The following AADACL4 variants were observed in gnomAD, a reference collection of about 807,000 sequenced individuals.
The protein encoded by AADACL4 is arylacetamide deacetylase-like 4.
Under a neutral mutation model 14.1 loss-of-function variants are expected in AADACL4, and 9 were observed. That is an observed-to-expected ratio of 0.64 (90% CI 0.39 to 1.12). AADACL4 has a LOEUF of 1.12. AADACL4 is among the 50% of genes most tolerant of loss of function. AADACL4 has a pLI of 0.01. For synonymous variants in AADACL4, 188 were observed against 201.6 expected (o/e 0.93, Z 0.57); for missense variants, 531 against 516.1 (o/e 1.03, Z -0.28).
At chr1:12,645,897 G>T (rs985830616) in intron 1 of AADACL4, among the ~76,000 whole-genome samples, 1 of 152,158 alleles carries the variant, frequency 6.6e-6, no homozygotes, top group Non-Finnish European at 1.5e-5. Context: ...CACTCACAGA[G>T]CCTGGTATCT....
intron 2 of AADACL4, among the ~76,000 whole-genome samples, chr1:12,657,617 G>A (rs3010937): frequency 0.017 from 2,590 of 152,290 alleles, 65 homozygotes; most frequent in African/African-American, 0.057. Context: ...AGAGAGACAC[G>A]TGCGAGGAGG....
intron 1 of AADACL4, among the ~76,000 whole-genome samples, chr1:12,650,101 A>C (rs1170737582): frequency 2.0e-5 from 3 of 152,228 alleles, no homozygotes; most frequent in African/African-American, 7.2e-5. Flanking sequence ...ATGTCTGATA[A>C]GTATCAGCTG....
At chr1:12,647,887 G>A (rs1193285879) in intron 1 of AADACL4, among the ~76,000 whole-genome samples, 2 of 151,916 alleles carry the variant, frequency 1.3e-5, no homozygotes, top group African/African-American at 4.8e-5. Context: ...TGAACTCCTG[G>A]GCTCAAGAGA....
At chr1:12,659,269 A>C (rs933113441) in intron 2 of AADACL4, among the ~76,000 whole-genome samples, 9 of 152,194 alleles carry the variant, frequency 5.9e-5, no homozygotes, top group African/African-American at 2.2e-4. Flanking sequence ...GGAGCTGGAC[A>C]CTGAAGTTAT....
At chr1:12,654,657 C>A (rs964299929) in intron 2 of AADACL4, among the ~76,000 whole-genome samples, 3 of 152,184 alleles carry the variant, frequency 2.0e-5, no homozygotes, top group Non-Finnish European at 4.4e-5. Flanking sequence ...ATAATAGCCA[C>A]AAACCTTCTT....
At chr1:12,656,561 C>A (rs931955141) in intron 2 of AADACL4, among the ~76,000 whole-genome samples, 1 of 152,146 alleles carries the variant, frequency 6.6e-6, no homozygotes, top group Non-Finnish European at 1.5e-5. Context: ...ATCTAAGGGG[C>A]CTACCCTGCT....
At chr1:12,654,028 CA>C (rs1647166229) in intron 2 of AADACL4, among the ~76,000 whole-genome samples, 1 of 152,150 alleles carries the variant, frequency 6.6e-6, no homozygotes, top group Non-Finnish European at 1.5e-5. Flanking sequence ...CAGTACCATC[CA>C]GGTGTGCTGT....
In AADACL4 at chr1:12,644,586, A is replaced by G. The variant is rs1647097776; in HGVS notation, c.40A>G (p.Ile14Val). 6.2e-7 allele frequency: 1 copy of G among 1,613,988 alleles called. No homozygotes were observed. The highest frequency in any genetic ancestry group is 1.3e-5 in the African/African-American group (1 of 74,904). The change falls in exon 1 of 4, where the codon ATC becomes GTC. Residue 14 changes from isoleucine to valine, a missense_variant. Physicochemically the swap from Ile to Val is conservative, Grantham distance 29. Coordinates refer to ENST00000376221, the MANE Select transcript of AADACL4 (RefSeq NM_001013630.2). The part of the protein sequence containing the change: ...PWLVLLLALP[I>V]FFLGVFVWAV... ...GCTAGTGCTACTCTTGGCATTGCCC[A>G]TCTTTTTCCTGGGGGTCTTTGTCTG... is the stretch of plus-strand genomic sequence containing the variant.
intron 3 of AADACL4, among the ~76,000 whole-genome samples, chr1:12,665,521 G>A (rs575239816): frequency 3.3e-5 from 5 of 152,120 alleles, no homozygotes; most frequent in East Asian, 1.9e-4. Context: ...CACCGTGCCC[G>A]GCCTAGATTT....
At chr1:12,658,139 C>CCTTCCTTTCTTT (rs1439797569) in intron 2 of AADACL4, among the ~76,000 whole-genome samples, 47 of 84,932 alleles carry the variant, frequency 5.5e-4, no homozygotes, top group Middle Eastern at 6.3e-3. Flanking sequence ...TTCCTTCCTT[C>CCTTCCTTTCTTT]CTTTCTTTCT....
intron 2 of AADACL4, among the ~76,000 whole-genome samples, chr1:12,656,520 G>A (rs1234036020): frequency 6.6e-6 from 1 of 152,210 alleles, no homozygotes; most frequent in Non-Finnish European, 1.5e-5. Flanking sequence ...TAGGGACCTT[G>A]AAGGGAGCAC....
intron 3 of AADACL4, among the ~76,000 whole-genome samples, chr1:12,665,018 C>G (rs1258656413): frequency 6.6e-6 from 1 of 152,090 alleles, no homozygotes; most frequent in Non-Finnish European, 1.5e-5. Flanking sequence ...TCCAGGCTAG[C>G]TTTCCGTCTC....
In AADACL4 at chr1:12,661,494, GT is replaced by G. The variant is rs201230824; in HGVS notation, c.386-290del. The stretch of plus-strand genomic sequence containing the variant: ...GGGCAGGCATGCCTAACTTCCCTTG[GT>G]TTTTTTCCATTTCAGATCACTAAGA... On this transcript the variant is annotated intron_variant, in intron 2 of 3. Coordinates refer to ENST00000376221, the MANE Select transcript of AADACL4 (RefSeq NM_001013630.2). 4.5e-3 allele frequency among the ~76,000 whole-genome samples: 687 copies of G among 152,158 alleles called. 6 individuals carry two copies. The highest frequency in any genetic ancestry group is 0.015 in the African/African-American group (637 of 41,496).
intron 2 of AADACL4, among the ~76,000 whole-genome samples, chr1:12,659,819 T>C (rs564838016): frequency 9.1e-4 from 139 of 152,044 alleles, no homozygotes; most frequent in Non-Finnish European, 1.6e-3. Flanking sequence ...ATTATTTATG[T>C]ATTTGTTTGT....
intron 2 of AADACL4, among the ~76,000 whole-genome samples, chr1:12,658,104 TTTCTTTCC>T (rs1276277883): frequency 3.3e-5 from 3 of 90,380 alleles, no homozygotes; most frequent in African/African-American, 5.6e-5. Flanking sequence ...TCTTTCTCTC[TTTCTTTCC>T]TTCCTTCCTT....
chr1:12,653,888 C>T (rs1023401936), intron 2 of AADACL4, among the ~76,000 whole-genome samples: 3 of 152,164 alleles, frequency 2.0e-5, no homozygotes, highest in Admixed American at 2.0e-4. Flanking sequence ...TCTCTGAGTC[C>T]TCTCAGAGGG....
rs6672562 is a variant in AADACL4 at position 12,651,869 on chromosome 1, C to T, written c.385+530C>T. On this transcript the variant is annotated intron_variant, in intron 2 of 3. Transcript: ENST00000376221. ...TTTGAGATGGAGTCTCGCTCTGTCG[C>T]TCAGGCTGGAGTGCAGTGGCGTGAT... is the stretch of plus-strand genomic sequence containing the variant. 4.6e-3 allele frequency among the ~76,000 whole-genome samples: 682 copies of T among 147,782 alleles called. 10 individuals are homozygous for T. Among genetic ancestry groups the T allele is most frequent in the African/African-American group, 0.017 (655 of 38,820 alleles).
In AADACL4 at chr1:12,644,484, T is replaced by G; in HGVS notation, c.-63T>G. On this transcript the variant is annotated 5_prime_UTR_variant, in exon 1 of 4. Coordinates refer to ENST00000376221, the MANE Select transcript of AADACL4 (RefSeq NM_001013630.2). ...AGGCGGAGGGTGTAACCCAGCCAGGTCCTCTTCACATAAGCTATCAGACAA... is the reference window on the plus strand; with the variant it reads ...AGGCGGAGGGTGTAACCCAGCCAGGGCCTCTTCACATAAGCTATCAGACAA... 6.3e-7 allele frequency: 1 copy of G among 1,575,450 alleles called. No homozygotes were observed. Among genetic ancestry groups the G allele is most frequent in the Non-Finnish European group, 8.6e-7 (1 of 1,158,296 alleles).
At chr1:12,649,772 A>G (rs574775418) in intron 1 of AADACL4, among the ~76,000 whole-genome samples, 3 of 152,286 alleles carry the variant, frequency 2.0e-5, no homozygotes, top group African/African-American at 7.2e-5. Flanking sequence ...CATGCTTCTC[A>G]TTTTGGGAAG....
Sources: allele counts gnomAD v4.1 joint callset (sites outside exome capture counted in the v4.1 genomes callset), GRCh38; gene constraint gnomAD v4.1.1; transcripts MANE v1.5; gene names NCBI Gene and HGNC (gene_info 2026-07-23, HGNC 2026-07-21).